Variants in TSFM observed in about 807,000 individuals in gnomAD.
TSFM encodes the protein Ts translation elongation factor, mitochondrial, also known as elongation factor Ts, mitochondrial.
In TSFM, 29 loss-of-function variants were observed where a neutral mutation model predicts 33.4. The observed-to-expected ratio is 0.87, with a 90% CI of 0.65 to 1.18. The LOEUF (loss-of-function observed/expected upper bound fraction) is 1.18. TSFM is among the 50% of genes most tolerant of loss of function. The probability of loss-of-function intolerance (pLI) is 0.00; values close to 1 mark genes in which losing one functional copy is unlikely to be tolerated. For synonymous variants in TSFM, 178 were observed against 163.5 expected (o/e 1.09, Z -0.68); for missense variants, 394 against 395.6 (o/e 1.00, Z 0.04).
intron 4 of TSFM, among the ~76,000 whole-genome samples, chr12:57,790,023 C>A (rs1389110615): frequency 6.8e-6 from 1 of 147,612 alleles, no homozygotes; most frequent in Non-Finnish European, 1.5e-5. Flanking sequence ...TTTTAGAAAT[C>A]AAGATTTGAA....
chr12:57,800,158 G>T (rs1276280959), downstream of TSFM: 2 of 445,242 alleles, frequency 4.5e-6, no homozygotes, highest in Admixed American at 7.2e-5. Flanking sequence ...GGCAAGTCCT[G>T]TATAGCTAGT....
At position 57,786,227 on chromosome 12, in the gene TSFM, G is replaced by A. The variant is rs978339573; in HGVS notation, c.296G>A (p.Gly99Glu). Reference protein sequence around the residue: ...EGWSKAAKLQGRKTKEGLIGL... With the variant: ...EGWSKAAKLQERKTKEGLIGL... ...TGGAGCAAAGCTGCCAAGCTCCAAG[G>A]GAGGAAGACCAAAGAAGGCCTGATT... The change falls in exon 3 of 6, where the codon GGG becomes GAG. Residue 99 changes from glycine (G) to glutamate (E), a missense_variant. Around this residue, in one of 3 missense-constraint regions of TSFM, gnomAD observed 208 missense variants for 180.4 expected, o/e 1.15. Coordinates refer to ENST00000652027, the MANE Select transcript of TSFM (RefSeq NM_005726.6). 6.2e-7 allele frequency: 1 copy of A among 1,611,650 alleles called. No homozygotes were observed. The highest frequency in any genetic ancestry group is 8.5e-7 in the Non-Finnish European group (1 of 1,178,850).
Position 57,796,893 on chromosome 12 carries a change from T to TA in TSFM, c.*311dup. ...AATTTCTAACTTATATGTTCTGTCT[T>TA]ACACCTTTTATGACATAGAACTCTT... is the stretch of plus-strand genomic sequence containing the variant. On this transcript the variant is annotated 3_prime_UTR_variant, in exon 6 of 6. Coordinates refer to ENST00000652027, the MANE Select transcript of TSFM (RefSeq NM_005726.6). The TA allele has an allele frequency of 3.9e-6, 4 of 1,026,568 alleles. No homozygotes were observed. Among genetic ancestry groups the TA allele is most frequent in the Non-Finnish European group, 4.7e-6 (4 of 858,098 alleles). The allele number at this position is 1,026,568 out of a possible 1,614,324, so 63.6% of individuals were successfully genotyped here.
chr12:57,800,116 T>G (rs926286144), downstream of TSFM: 32 of 713,816 alleles, frequency 4.5e-5, no homozygotes, highest in East Asian at 3.6e-4. Context: ...ATTTTGGGGT[T>G]GTTCTTGGGA....
chr12:57,797,809 G>T, downstream of TSFM: 1 of 1,191,218 alleles, frequency 8.4e-7, no homozygotes, highest in Non-Finnish European at 1.1e-6. Flanking sequence ...GAAATTGGTG[G>T]ATAAATTATT....
chr12:57,783,169 T>A lies in TSFM; in HGVS notation c.117T>A (p.Arg39=), dbSNP rs147609698. 294 of 1,613,476 alleles carry A rather than the reference T, an allele frequency of 1.8e-4. No homozygotes were observed. The African/African-American group carries it at 3.3e-3, about 18-fold the overall frequency. The change falls in exon 2 of 6, where the codon CGT becomes CGA. Residue 39 remains arginine (R), a synonymous_variant. Transcript: ENST00000652027. The part of the protein sequence containing the change: ...QPRHTFYAGP[R]LSASASSKEL... ...GGCACACATTTTATGCTGGGCCCCG[T>A]CTGTCTGCCTCGGCCTCCAGCAAGG...
intron 2 of TSFM, among the ~76,000 whole-genome samples, chr12:57,784,829 G>A (rs1955567851): frequency 6.7e-6 from 1 of 149,556 alleles, no homozygotes; most frequent in Admixed American, 6.7e-5. Flanking sequence ...GTGGTGAGCC[G>A]AGATCGTGCC....
rs373942098 is a variant in TSFM at position 57,796,522 on chromosome 12, C to G, written c.917C>G (p.Ser306Trp). ...CAGTATGTGCAGCCTCAGGGGGTGT[C>G]GGTAGTAGACTTTGTGCGGTTTGAA... ...LGQYVQPQGV[S>W]VVDFVRFECG... Residue 306 changes from serine (S) to tryptophan (W), a missense_variant, in exon 6 of 6, where the codon TCG becomes TGG. By Grantham distance (177) the Ser-to-Trp change is radical. This residue lies in a region of TSFM where 186 missense variants were observed against 198.8 expected (regional missense o/e 0.94). Coordinates refer to ENST00000652027, the MANE Select transcript of TSFM (RefSeq NM_005726.6). 2.0e-6 allele frequency: 3 copies of G among 1,495,354 alleles called. No homozygotes were observed. The allele number at this position is 1,495,354 out of a possible 1,614,324, so 92.6% of individuals were successfully genotyped here. A position where few individuals can be genotyped will look rare whatever the true frequency, so the allele number is the denominator to read the frequency against.
chr12:57,797,854 C>T, downstream of TSFM: 1 of 1,509,438 alleles, frequency 6.6e-7, no homozygotes, highest in South Asian at 1.3e-5. Flanking sequence ...TTTTCTGTGG[C>T]CTTGCAATAG....
At position 57,789,591 on chromosome 12, in the gene TSFM, C is replaced by A. The variant is rs138989180; in HGVS notation, c.483+2429C>A. Among the ~76,000 whole-genome samples the A allele has an allele frequency of 1.5e-3, 232 of 152,210 alleles. 2 individuals are homozygous for A. The highest frequency in any genetic ancestry group is 5.5e-3 in the African/African-American group (229 of 41,534). On this transcript the variant is annotated intron_variant, in intron 4 of 5. Coordinates refer to ENST00000652027, the MANE Select transcript of TSFM (RefSeq NM_005726.6). ...ATGTTGGTCAGGCTGGTCTCGCACT[C>A]CTGACCTCAGGTGATCTGCCCGCCT...
rs1311894208 is a variant in TSFM, at chr12:57,793,031, G to C, written c.529G>C (p.Asp177His). The change falls in exon 5 of 6, where the codon GAC becomes CAC. Residue 177 changes from aspartate to histidine, a missense_variant. Coordinates refer to ENST00000652027, the MANE Select transcript of TSFM (RefSeq NM_005726.6). ...GCTTTCTGGACTTCCAGCTGGGCCT[G>C]ACAGAGAAGGCTCACTCAAGGATCA... ...SELSGLPAGPDREGSLKDQLA... is the reference protein window; with the variant it reads ...SELSGLPAGPHREGSLKDQLA... 6.2e-7 allele frequency: 1 copy of C among 1,613,670 alleles called. No individual in the cohort carries two copies. The highest frequency in any genetic ancestry group is 8.5e-7 in the Non-Finnish European group (1 of 1,179,740).
rs1955748640 is a variant in TSFM, at chr12:57,796,896, A to G, written c.*313A>G. On this transcript the variant is annotated 3_prime_UTR_variant, in exon 6 of 6. Coordinates refer to ENST00000652027, the MANE Select transcript of TSFM (RefSeq NM_005726.6). The stretch of plus-strand genomic sequence containing the variant: ...TTCTAACTTATATGTTCTGTCTTAC[A>G]CCTTTTATGACATAGAACTCTTTTG... 9.8e-7 allele frequency: 1 copy of G among 1,022,362 alleles called. No homozygotes were observed. Among genetic ancestry groups the G allele is most frequent in the African/African-American group, 1.7e-5 (1 of 58,836 alleles). 63.3% of individuals were successfully genotyped at this position (1,022,362 alleles called of 1,614,324 possible). A position where few individuals can be genotyped will look rare whatever the true frequency, so the allele number is the denominator to read the frequency against.
chr12:57,789,383 C>A (rs1474296416), intron 4 of TSFM, among the ~76,000 whole-genome samples: 1 of 152,082 alleles, frequency 6.6e-6, no homozygotes, highest in African/African-American at 2.4e-5. Context: ...GGACAGTGAT[C>A]ACATTTAGGA....
intron 2 of TSFM, among the ~76,000 whole-genome samples, chr12:57,784,504 TA>T (rs1160188146): frequency 6.6e-6 from 1 of 152,240 alleles, no homozygotes; most frequent in African/African-American, 2.4e-5. Flanking sequence ...AATAACAGCA[TA>T]AAACACATAT....
chr12:57,796,881 T>C lies in TSFM; in HGVS notation c.*298T>C, dbSNP rs1289747202. On this transcript the variant is annotated 3_prime_UTR_variant, in exon 6 of 6. Transcript: ENST00000652027. ...TGGTATTTCTGAAATTTCTAACTTATATGTTCTGTCTTACACCTTTTATGA... is the reference window on the plus strand; with the variant it reads ...TGGTATTTCTGAAATTTCTAACTTACATGTTCTGTCTTACACCTTTTATGA... The C allele has an allele frequency of 6.8e-5, 71 of 1,043,928 alleles. No individual in the cohort carries two copies. The highest frequency in any genetic ancestry group is 8.4e-5 in the African/African-American group (5 of 59,480). The allele number at this position is 1,043,928 out of a possible 1,614,324, so 64.7% of individuals were successfully genotyped here. A position where few individuals can be genotyped will look rare whatever the true frequency, so the allele number is the denominator to read the frequency against.
At chr12:57,792,230 C>T (rs1477248779) in intron 4 of TSFM, among the ~76,000 whole-genome samples, 1 of 151,202 alleles carries the variant, frequency 6.6e-6, no homozygotes, top group Admixed American at 6.6e-5. Context: ...GGCGGCAGAG[C>T]GAGACTCCAT....
downstream of TSFM, among the ~76,000 whole-genome samples, chr12:57,799,062 A>G (rs776957307): frequency 6.6e-6 from 1 of 152,230 alleles, no homozygotes; most frequent in Non-Finnish European, 1.5e-5. Context: ...TTTTAAGGAT[A>G]TTACTAGAGG....
chr12:57,784,807 A>G (rs1850821213), intron 2 of TSFM, among the ~76,000 whole-genome samples: 1 of 151,598 alleles, frequency 6.6e-6, no homozygotes, highest in African/African-American at 2.4e-5. Context: ...TTGAACCCAA[A>G]AGGCGGAGGT....
chr12:57,787,686 T>C (rs1269525738), intron 4 of TSFM, among the ~76,000 whole-genome samples: 1 of 152,130 alleles, frequency 6.6e-6, no homozygotes, highest in Non-Finnish European at 1.5e-5. Flanking sequence ...CCCAGCACTT[T>C]GGGAGGCCGA....
Sources: allele counts gnomAD v4.1 joint callset (sites outside exome capture counted in the v4.1 genomes callset), GRCh38; gene constraint gnomAD v4.1.1; regional missense constraint gnomAD v4.1.1; transcripts MANE v1.5; gene names NCBI Gene and HGNC (gene_info 2026-07-23, HGNC 2026-07-21).